Variants in TMEM150A observed in about 807,000 individuals in gnomAD.
TMEM150A encodes the protein fasting-inducible integral membrane protein TM6P1.
In TMEM150A, 18 loss-of-function variants were observed where a neutral mutation model predicts 29.8. That is an observed-to-expected ratio of 0.60 (90% CI 0.42 to 0.90). The LOEUF is 0.90. Among genes scored for constraint, TMEM150A ranks in the 40% least tolerant of loss-of-function variants. TMEM150A has a pLI of 0.00. For synonymous variants in TMEM150A, 127 were observed against 143.6 expected (o/e 0.88, Z 0.83); for missense variants, 251 against 349.7 (o/e 0.72, Z 2.25).
Position 85,599,778 on chromosome 2 carries a change from TCTCC to T in TMEM150A, c.397-80_397-77del. ...CACCCCTCCTTCAATGAATCTCCTC[TCTCC>T]CTCTTCCTTCCTCTCCCTCTTTCCA... On this transcript the variant is annotated intron_variant, in intron 6 of 7. Coordinates refer to ENST00000334462, the MANE Select transcript of TMEM150A (RefSeq NM_001031738.3). This position sits in a 1 kb window ranked among gnomAD's most constrained non-coding sequence, Gnocchi z 6.0. 1 of 1,591,222 alleles carries T rather than the reference TCTCC, an allele frequency of 6.3e-7. No homozygotes were observed. The highest frequency in any genetic ancestry group is 1.3e-5 in the African/African-American group (1 of 74,206).
chr2:85,601,596 GGGGACTC>G lies in TMEM150A; in HGVS notation c.66-121_66-115del. The G allele has an allele frequency of 7.8e-7, 1 of 1,281,182 alleles. No homozygotes were observed. Among genetic ancestry groups the G allele is most frequent in the Non-Finnish European group, 1.1e-6 (1 of 919,032 alleles). The allele number at this position is 1,281,182 out of a possible 1,614,324, so 79.4% of individuals were successfully genotyped here. On this transcript the variant is annotated intron_variant, in intron 2 of 7. Coordinates refer to ENST00000334462, the MANE Select transcript of TMEM150A (RefSeq NM_001031738.3). The surrounding 1 kb of genome is among the most constrained non-coding windows in gnomAD (Gnocchi z 4.0). ...CCCATTCAGCCTCATTATTGTTGCTGGGGACTCAAGTTGAGGTCCCTAAGGCTTGATG... is the reference window on the plus strand; with the variant it reads ...CCCATTCAGCCTCATTATTGTTGCTGAAGTTGAGGTCCCTAAGGCTTGATG...
chr2:85,601,191 C>T lies in TMEM150A; in HGVS notation c.114-84G>A. 1 of 1,411,282 alleles carries T rather than the reference C, an allele frequency of 7.1e-7. No individual in the cohort carries two copies. The highest frequency in any genetic ancestry group is 9.9e-7 in the Non-Finnish European group (1 of 1,012,548). The allele number at this position is 1,411,282 out of a possible 1,614,324, so 87.4% of individuals were successfully genotyped here. ...ATAGCCTCAGGCCTCAAAGAGGACT[C>T]TCTCCCAGACCTCCCCTACAGGGAC... On this transcript the variant is annotated intron_variant, in intron 3 of 7. Coordinates refer to ENST00000334462, the MANE Select transcript of TMEM150A (RefSeq NM_001031738.3). This position sits in a 1 kb window ranked among gnomAD's most constrained non-coding sequence, Gnocchi z 4.0.
In TMEM150A at chr2:85,601,228, C is replaced by T. The variant is rs1672930169; in HGVS notation, c.114-121G>A. On this transcript the variant is annotated intron_variant, in intron 3 of 7. Coordinates refer to ENST00000334462, the MANE Select transcript of TMEM150A (RefSeq NM_001031738.3). This position sits in a 1 kb window ranked among gnomAD's most constrained non-coding sequence, Gnocchi z 4.0. The stretch of plus-strand genomic sequence containing the variant: ...TCCCCTACAGGGACAGAAGATCCCA[C>T]TCCCCAGTGCCCGCCTGAAGCAGTA... 2.5e-6 allele frequency: 3 copies of T among 1,212,372 alleles called. No homozygotes were observed. The highest frequency in any genetic ancestry group is 3.0e-5 in the African/African-American group (2 of 66,678). The allele number at this position is 1,212,372 out of a possible 1,614,324, so 75.1% of individuals were successfully genotyped here. A position where few individuals can be genotyped will look rare whatever the true frequency, so the allele number is the denominator to read the frequency against.
In TMEM150A at chr2:85,601,531, AC is replaced by A. The variant is rs1335303291; in HGVS notation, c.66-50del. On this transcript the variant is annotated intron_variant, in intron 2 of 7. Transcript: ENST00000334462. This position sits in a 1 kb window ranked among gnomAD's most constrained non-coding sequence, Gnocchi z 4.0. ...TGGCAGCCTTCCCGAGCCCCACTCA[AC>A]CCACCCCATGACCCTTCTCTTCAAC... 1.3e-6 allele frequency: 2 copies of A among 1,594,240 alleles called. No individual in the cohort carries two copies. Among genetic ancestry groups the A allele is most frequent in the African/African-American group, 2.7e-5 (2 of 74,588 alleles).
chr2:85,600,872 G>A, intron 4 of TMEM150A, 149 bp downstream of exon 4: 1 of 666,398 alleles, frequency 1.5e-6, no homozygotes, highest in East Asian at 2.8e-5. Context: ...TCAGCAGAGT[G>A]CCTGCCCCAC....
chr2:85,601,285 G>A lies in TMEM150A; in HGVS notation c.113+150C>T. 8.4e-7 allele frequency: 1 copy of A among 1,187,284 alleles called. No homozygotes were observed. The highest frequency in any genetic ancestry group is 1.3e-6 in the Non-Finnish European group (1 of 794,104). The allele number at this position is 1,187,284 out of a possible 1,614,324, so 73.5% of individuals were successfully genotyped here. A position where few individuals can be genotyped will look rare whatever the true frequency, so the allele number is the denominator to read the frequency against. On this transcript the variant is annotated intron_variant, in intron 3 of 7. Coordinates refer to ENST00000334462, the MANE Select transcript of TMEM150A (RefSeq NM_001031738.3). This position sits in a 1 kb window ranked among gnomAD's most constrained non-coding sequence, Gnocchi z 4.0. ...GGGGCAAAGGGATAGTGGGAAGTGGGTAGGTGGCAAGAAGCCATGCCTGGG... is the reference window on the plus strand; with the variant it reads ...GGGGCAAAGGGATAGTGGGAAGTGGATAGGTGGCAAGAAGCCATGCCTGGG...
chr2:85,600,118 G>A, intron 5 of TMEM150A, 100 bp from the exon 6 acceptor site: 1 of 1,490,890 alleles, frequency 6.7e-7, no homozygotes, highest in Admixed American at 2.0e-5. Context: ...TGCCCCTTCT[G>A]AGGGGCAGAA....
Position 85,600,332 on chromosome 2 carries a change from G to C in TMEM150A, c.268+13C>G. ...GCTGGGCACGCAGGGTCAGGGCTAA[G>C]GGTACAACTCACCCATGAAAGCACC... On this transcript the variant is annotated intron_variant, in intron 5 of 7. Coordinates refer to ENST00000334462, the MANE Select transcript of TMEM150A (RefSeq NM_001031738.3). 1 of 1,613,842 alleles carries C rather than the reference G, an allele frequency of 6.2e-7. No homozygotes were observed. Among genetic ancestry groups the C allele is most frequent in the African/African-American group, 1.3e-5 (1 of 75,018 alleles).
Position 85,601,982 on chromosome 2 carries a change from G to T in TMEM150A, c.-34C>A. The T allele has an allele frequency of 6.2e-7, 1 of 1,611,454 alleles. No homozygotes were observed. ...GGAGCCAGGGTGGTGGTGGTGTTGG[G>T]GGGAGGACAAGAGGTAGATGGGGAA... is the stretch of plus-strand genomic sequence containing the variant. On this transcript the variant is annotated 5_prime_UTR_variant, in exon 2 of 8. Coordinates refer to ENST00000334462, the MANE Select transcript of TMEM150A (RefSeq NM_001031738.3). This position sits in a 1 kb window ranked among gnomAD's most constrained non-coding sequence, Gnocchi z 4.0.
In TMEM150A at chr2:85,599,676, G is replaced by A. The variant is rs145537355; in HGVS notation, c.423C>T (p.Tyr141=). The A allele has an allele frequency of 4.6e-5, 74 of 1,613,326 alleles. 1 individual carries two copies. Among genetic ancestry groups the A allele is most frequent in the African/African-American group, 8.0e-5 (6 of 74,928 alleles). Residue 141 remains tyrosine (Y), a synonymous_variant, in exon 7 of 8, where the codon TAC becomes TAT. Transcript: ENST00000334462. This position sits in a 1 kb window ranked among gnomAD's most constrained non-coding sequence, Gnocchi z 6.0. Reference sequence around the variant, plus strand: ...CAGGGAAGGCCACGCCAGCTCCAACGTAGTGCAGAGACCTGGCATGATCCA... The same window carrying A: ...CAGGGAAGGCCACGCCAGCTCCAACATAGTGCAGAGACCTGGCATGATCCA... ...FQVDHARSLH[Y]VGAGVAFPAG...
At position 85,599,342 on chromosome 2, in the gene TMEM150A, C is replaced by G. The variant is rs1335012753; in HGVS notation, c.575-25G>C. ...CCTAAAACGAGGCTAAGGAAATGTT[C>G]AGTAGGACATACGGAAACCTGGCAA... On this transcript the variant is annotated intron_variant, in intron 7 of 7. Transcript: ENST00000334462. The surrounding 1 kb of genome is among the most constrained non-coding windows in gnomAD (Gnocchi z 6.0). 3.1e-6 allele frequency: 5 copies of G among 1,612,020 alleles called. No individual in the cohort carries two copies. In the Admixed American group the frequency reaches 5.0e-5, roughly 16 times the overall value.
Position 85,602,064 on chromosome 2 carries a change from C to T in TMEM150A, c.-116G>A. 1.1e-6 allele frequency: 1 copy of T among 930,306 alleles called. No homozygotes were observed. Among genetic ancestry groups the T allele is most frequent in the East Asian group, 2.4e-5 (1 of 41,180 alleles). 57.6% of individuals were successfully genotyped at this position (930,306 alleles called of 1,614,324 possible). On this transcript the variant is annotated splice_region_variant and 5_prime_UTR_variant, in exon 2 of 8. Transcript: ENST00000334462. This position sits in a 1 kb window ranked among gnomAD's most constrained non-coding sequence, Gnocchi z 5.6. ...CTGCCACAACCATCAGCTGTCCTGG[C>T]CTGGTGGAGAGAGATCAAAGTCCAG...
chr2:85,600,519 G>GGT, intron 4 of TMEM150A, 107 bp from the exon 5 acceptor site: 3 of 775,558 alleles, frequency 3.9e-6, no homozygotes, highest in Non-Finnish European at 6.7e-6. Context: ...CTCCTTAGCA[G>GGT]GCAGGCCACT....
chr2:85,600,648 ACT>A (rs1672883932), intron 4 of TMEM150A: 7 of 567,954 alleles, frequency 1.2e-5, no homozygotes, highest in Non-Finnish European at 1.9e-5. Context: ...CAACCCTGAC[ACT>A]CTTTGCTGAG....
intron 5 of TMEM150A, 115 bp downstream of exon 5, chr2:85,600,230 G>A (rs978233550): frequency 2.8e-5 from 38 of 1,348,520 alleles, no homozygotes; most frequent in Non-Finnish European, 3.7e-5. Flanking sequence ...GGGAGAAGCT[G>A]CCTCTATTGC....
rs775731112 is a variant in TMEM150A, at chr2:85,601,517, C to G, written c.66-35G>C. 16 of 1,604,298 alleles carry G rather than the reference C, an allele frequency of 1.0e-5. No homozygotes were observed. In the East Asian group the frequency reaches 3.6e-4, roughly 36 times the overall value. On this transcript the variant is annotated intron_variant, in intron 2 of 7. Coordinates refer to ENST00000334462, the MANE Select transcript of TMEM150A (RefSeq NM_001031738.3). The surrounding 1 kb of genome is among the most constrained non-coding windows in gnomAD (Gnocchi z 4.0). ...CAGAACTGTCACCCTGGCAGCCTTC[C>G]CGAGCCCCACTCAACCCACCCCATG... is the stretch of plus-strand genomic sequence containing the variant.
At chr2:85,600,705 G>A in intron 4 of TMEM150A, 1 of 550,146 alleles carries the variant, frequency 1.8e-6, no homozygotes, top group Non-Finnish European at 3.2e-6. Context: ...CACGGGCTGG[G>A]CAATCTGAGG....
At chr2:85,600,164 C>T (rs1672854996) in intron 5 of TMEM150A, 146 bp from the exon 6 acceptor site, 11 of 1,334,622 alleles carry the variant, frequency 8.2e-6, no homozygotes, top group Non-Finnish European at 1.1e-5. Context: ...TAGGTTTCCT[C>T]AGGCTCCAGC....
chr2:85,601,064 C>G lies in TMEM150A; in HGVS notation c.157G>C (p.Gly53Arg). 6.2e-7 allele frequency: 1 copy of G among 1,612,544 alleles called. No individual in the cohort carries two copies. Among genetic ancestry groups the G allele is most frequent in the Non-Finnish European group, 8.5e-7 (1 of 1,179,474 alleles). ...SCPPDPAEQG[G>R]PKTCCTLDDV... is the part of the protein sequence containing the mutation. ...TCCAGGGTGCAGCAGGTCTTGGGAC[C>G]CCCTTGCTCAGCAGGGTCAGGAGGG... The change falls in exon 4 of 8, where the codon GGT becomes CGT. Residue 53 changes from glycine to arginine, a missense_variant. Physicochemically the swap from Gly to Arg is moderately radical, Grantham distance 125 (BLOSUM62 -2). Transcript: ENST00000334462. This position sits in a 1 kb window ranked among gnomAD's most constrained non-coding sequence, Gnocchi z 4.0.
Sources: allele counts gnomAD v4.1 joint callset, GRCh38; gene constraint gnomAD v4.1.1; non-coding constraint Gnocchi (gnomAD v3.1); transcripts MANE v1.5; gene names NCBI Gene and HGNC (gene_info 2026-07-23, HGNC 2026-07-21).